Variants in INPP4B observed in about 807,000 individuals in gnomAD.
INPP4B encodes inositol polyphosphate-4-phosphatase type II B.
In INPP4B, 55 loss-of-function variants were observed where a neutral mutation model predicts 122.5. The ratio of observed to expected loss-of-function variants is 0.45; its 90% confidence interval spans 0.36 to 0.56. INPP4B has a LOEUF of 0.56. Ranked by LOEUF, INPP4B falls within the 20% of genes least tolerant of loss-of-function variation. INPP4B has a pLI of 0.00. For synonymous variants in INPP4B, 403 were observed against 388.7 expected, an observed-to-expected ratio of 1.04 and a Z score of -0.43; for missense variants, 1,000 against 1,097.7, an observed-to-expected ratio of 0.91 and a Z score of 1.26.
chr4:142,596,660 A>C (rs951927401), intron 2 of INPP4B, among the ~76,000 whole-genome samples: 4 of 152,262 alleles, frequency 2.6e-5, no homozygotes, highest in African/African-American at 7.2e-5. Context: ...TCCCATTTAT[A>C]CTTGTAGTTT....
At chr4:142,622,905 T>C (rs115703671) in intron 2 of INPP4B, among the ~76,000 whole-genome samples, 2,104 of 152,102 alleles carry the variant, frequency 0.014, 42 homozygotes, top group African/African-American at 0.048. Context: ...AATATATTCA[T>C]AGCACTGTGC....
chr4:142,340,233 A>T (rs1021765584), intron 7 of INPP4B, among the ~76,000 whole-genome samples: 2 of 152,190 alleles, frequency 1.3e-5, no homozygotes, highest in African/African-American at 4.8e-5. Context: ...CCTAATTTCC[A>T]CATGAAAAAG....
At chr4:142,544,113 C>A (rs1829253233) in intron 2 of INPP4B, among the ~76,000 whole-genome samples, 2 of 5,366 alleles carry the variant, frequency 3.7e-4, no homozygotes, top group Admixed American at 3.2e-3. Flanking sequence ...TGCACAAATA[C>A]TGCATGGTGT....
At chr4:142,493,420 A>G (rs1027549805) in intron 2 of INPP4B, among the ~76,000 whole-genome samples, 4 of 152,150 alleles carry the variant, frequency 2.6e-5, no homozygotes, top group African/African-American at 9.7e-5. Context: ...AGCCACAGAC[A>G]CTCAATACTA....
intron 25 of INPP4B, among the ~76,000 whole-genome samples, chr4:142,042,545 TG>T (rs1254110682): frequency 3.0e-5 from 1 of 33,230 alleles, no homozygotes; most frequent in African/African-American, 5.7e-5. Flanking sequence ...TATGTATGTA[TG>T]TATGTATGTA....
At chr4:142,573,677 G>C (rs1278535260) in intron 2 of INPP4B, among the ~76,000 whole-genome samples, 1 of 152,040 alleles carries the variant, frequency 6.6e-6, no homozygotes, top group African/African-American at 2.4e-5. Flanking sequence ...CAGTTGCGTG[G>C]TGGGAAATTA....
rs1169628646 is a variant in INPP4B at position 142,838,050 on chromosome 4, T to C, written c.-254+8159A>G. On this transcript the variant is annotated intron_variant, in intron 1 of 25. Coordinates refer to ENST00000262992, the MANE Select transcript of INPP4B (RefSeq NM_001101669.3). ...AAAGTGGTGTTTTTTTTTTTTTAAG[T>C]ATTTATTGCTGTGAACCAGAACAGA... Among the ~76,000 whole-genome samples, 7 of 150,714 alleles carry C rather than the reference T, an allele frequency of 4.6e-5. No individual in the cohort carries two copies. In the East Asian group the frequency reaches 1.4e-3, roughly 29 times the overall value.
intron 2 of INPP4B, among the ~76,000 whole-genome samples, chr4:142,582,369 T>C (rs1475162253): frequency 1.3e-5 from 2 of 152,124 alleles, no homozygotes; most frequent in Admixed American, 6.6e-5. Flanking sequence ...ATAGGCAGTT[T>C]TATTTTTCCT....
At chr4:142,838,453 T>C (rs991902971) in intron 1 of INPP4B, among the ~76,000 whole-genome samples, 2 of 152,074 alleles carry the variant, frequency 1.3e-5, no homozygotes, top group African/African-American at 4.8e-5. Flanking sequence ...ATACTCTTCT[T>C]TACTCCTACC....
At chr4:142,106,498 A>T (rs1237275732) in intron 23 of INPP4B, among the ~76,000 whole-genome samples, 1 of 152,094 alleles carries the variant, frequency 6.6e-6, no homozygotes. Context: ...CCGGGCTAAA[A>T]TTTTTTAAAC....
chr4:142,689,140 G>A (rs13133181), intron 2 of INPP4B, among the ~76,000 whole-genome samples: 90,464 of 152,070 alleles, frequency 0.59, 28,206 homozygotes, highest in East Asian at 0.79. Flanking sequence ...TTTCTCTATT[G>A]CAATTCTTCT....
intron 2 of INPP4B, among the ~76,000 whole-genome samples, chr4:142,481,669 TG>T (rs1232491260): frequency 6.6e-6 from 1 of 152,084 alleles, no homozygotes; most frequent in African/African-American, 2.4e-5. Flanking sequence ...AGGTATAATT[TG>T]GGATAAAAAA....
chr4:142,370,425 A>G (rs532268699), intron 7 of INPP4B, among the ~76,000 whole-genome samples: 1 of 152,322 alleles, frequency 6.6e-6, no homozygotes, highest in East Asian at 1.9e-4. Flanking sequence ...TTATGTCTAC[A>G]TAATATAATG....
intron 9 of INPP4B, among the ~76,000 whole-genome samples, chr4:142,279,917 A>G (rs1278304233): frequency 1.3e-5 from 2 of 151,972 alleles, no homozygotes; most frequent in Non-Finnish European, 2.9e-5. Flanking sequence ...AAAACAACCA[A>G]CCCAATTAAT....
At chr4:142,206,197 A>G (rs1042323498) in intron 14 of INPP4B, among the ~76,000 whole-genome samples, 1 of 152,076 alleles carries the variant, frequency 6.6e-6, no homozygotes, top group Non-Finnish European at 1.5e-5. Context: ...TAATTCACTC[A>G]TAAGTGTAGA....
At chr4:142,607,760 C>T (rs1580487601) in intron 2 of INPP4B, among the ~76,000 whole-genome samples, 1 of 151,992 alleles carries the variant, frequency 6.6e-6, no homozygotes, top group Admixed American at 6.6e-5. Context: ...AGACAATATA[C>T]TTTTTTAAAA....
chr4:142,115,424 A>C (rs1489840465), intron 21 of INPP4B, among the ~76,000 whole-genome samples: 1 of 152,206 alleles, frequency 6.6e-6, no homozygotes, highest in Non-Finnish European at 1.5e-5. Context: ...AGATTGGGTT[A>C]CCCACAAAGG....
At chr4:142,355,893 AT>A (rs1783446420) in intron 7 of INPP4B, among the ~76,000 whole-genome samples, 1 of 151,382 alleles carries the variant, frequency 6.6e-6, no homozygotes, top group Non-Finnish European at 1.5e-5. Flanking sequence ...GATAGCTTTG[AT>A]CACTTCTTCA....
chr4:142,068,170 C>T (rs1195693656), intron 25 of INPP4B, among the ~76,000 whole-genome samples: 1 of 152,078 alleles, frequency 6.6e-6, no homozygotes, highest in Non-Finnish European at 1.5e-5. Flanking sequence ...GAGTGGGGGC[C>T]AATATTCAAC....
Sources: gnomAD v4.1 joint callset for allele counts (sites outside exome capture counted in the v4.1 genomes callset) on GRCh38, gnomAD v4.1.1 for gene constraint, MANE v1.5 for transcripts, NCBI Gene and HGNC (gene_info 2026-07-23, HGNC 2026-07-21) for gene names.